The following MYRIP variants were observed in gnomAD, a reference collection of about 807,000 sequenced individuals.
MYRIP encodes myosin VIIA and Rab interacting protein, also known as rab effector MyRIP.
Under a neutral mutation model 98.0 loss-of-function variants are expected in MYRIP, and 49 were observed. The observed-to-expected ratio is 0.50, with a 90% confidence interval of 0.40 to 0.63. The LOEUF (loss-of-function observed/expected upper bound fraction) is 0.63, where lower values mean the gene tolerates loss of function less well. MYRIP is among the 30% of genes least tolerant of loss of function. The pLI, the probability that MYRIP is intolerant of heterozygous loss-of-function variation, is 0.00. For synonymous variants in MYRIP, 404 were observed against 409.5 expected, an observed-to-expected ratio of 0.99 and a Z score of 0.16; for missense variants, 1,004 against 1,058.2, an observed-to-expected ratio of 0.95 and a Z score of 0.71.
intron 3 of MYRIP, among the ~76,000 whole-genome samples, chr3:40,072,827 C>CT (rs1041585197): frequency 1.9e-5 from 1 of 51,488 alleles, no homozygotes; most frequent in East Asian, 5.5e-4. Flanking sequence ...ATGGTGTGTT[C>CT]TTTTTTAAAA....
intron 1 of MYRIP, among the ~76,000 whole-genome samples, chr3:39,890,039 C>T (rs145035192): frequency 6.6e-6 from 1 of 152,174 alleles, no homozygotes; most frequent in African/African-American, 2.4e-5. Flanking sequence ...CTACTCCTCC[C>T]AGATAATCTC....
At chr3:40,006,457 C>T (rs1428010925) in intron 2 of MYRIP, among the ~76,000 whole-genome samples, 1 of 152,054 alleles carries the variant, frequency 6.6e-6, no homozygotes, top group Non-Finnish European at 1.5e-5. Flanking sequence ...GGAGTGACAG[C>T]AATGATGGAT....
chr3:39,896,048 T>C (rs931893179), intron 1 of MYRIP, among the ~76,000 whole-genome samples: 2 of 152,206 alleles, frequency 1.3e-5, no homozygotes, highest in Non-Finnish European at 2.9e-5. Flanking sequence ...CAGCCAGCTC[T>C]GTGAGAATTC....
At chr3:40,226,361 AC>A (rs1702389985) in intron 11 of MYRIP, among the ~76,000 whole-genome samples, 1 of 152,130 alleles carries the variant, frequency 6.6e-6, no homozygotes, top group African/African-American at 2.4e-5. Flanking sequence ...CCTCTTCTTC[AC>A]TGCAGCCACC....
rs1420308229 is a variant in MYRIP at position 40,190,438 on chromosome 3, A to G, written c.1640A>G (p.Gln547Arg). Residue 547 changes from glutamine (Q) to arginine (R), a missense_variant, in exon 10 of 17, where the codon CAG (glutamine) becomes CGG (arginine). Physicochemically the swap from Gln to Arg is conservative, Grantham distance 43. Transcript: ENST00000302541. ...PSKEPSSPSAQLRDLDTHQVS... is the reference protein window; with the variant it reads ...PSKEPSSPSARLRDLDTHQVS... The stretch of plus-strand genomic sequence containing the variant: ...AAAGAACCATCTTCCCCCAGCGCCC[A>G]GCTCCGGGATCTAGACACACATCAG... 1.9e-6 allele frequency: 3 copies of G among 1,600,946 alleles called. No individual in the cohort carries two copies. Among genetic ancestry groups the G allele is most frequent in the African/African-American group, 1.3e-5 (1 of 74,364 alleles).
chr3:39,816,757 T>C (rs1398822232), intron 1 of MYRIP, among the ~76,000 whole-genome samples: 1 of 152,134 alleles, frequency 6.6e-6, no homozygotes, highest in African/African-American at 2.4e-5. Context: ...TATAGAAATA[T>C]AGGCAAACAG....
intron 2 of MYRIP, among the ~76,000 whole-genome samples, chr3:39,965,320 A>G (rs1048567142): frequency 1.3e-5 from 2 of 152,176 alleles, no homozygotes; most frequent in African/African-American, 4.8e-5. Flanking sequence ...AATTGCATTA[A>G]AAGAAAAAAT....
intron 2 of MYRIP, among the ~76,000 whole-genome samples, chr3:40,042,264 A>G: frequency 6.7e-6 from 1 of 149,740 alleles, no homozygotes; most frequent in Middle Eastern, 3.4e-3. Context: ...TGTAAAAGCA[A>G]GCATATAATA....
At chr3:40,036,132 G>A (rs1373090546) in intron 2 of MYRIP, among the ~76,000 whole-genome samples, 1 of 151,534 alleles carries the variant, frequency 6.6e-6, no homozygotes, top group Non-Finnish European at 1.5e-5. Context: ...AAATGACGAA[G>A]AGATCCAAGC....
intron 2 of MYRIP, among the ~76,000 whole-genome samples, chr3:39,989,094 C>A (rs1259945236): frequency 6.6e-6 from 1 of 152,070 alleles, no homozygotes; most frequent in African/African-American, 2.4e-5. Flanking sequence ...AGAAGAGGCA[C>A]TCTGGCCTTT....
intron 3 of MYRIP, among the ~76,000 whole-genome samples, chr3:40,103,149 C>T (rs575606632): frequency 2.6e-5 from 4 of 152,228 alleles, no homozygotes; most frequent in African/African-American, 9.6e-5. Context: ...CAGCACCTGG[C>T]TCCAGCTTGC....
At chr3:39,967,144 G>A (rs1341526878) in intron 2 of MYRIP, among the ~76,000 whole-genome samples, 1 of 152,158 alleles carries the variant, frequency 6.6e-6, no homozygotes, top group African/African-American at 2.4e-5. Flanking sequence ...TGGCGTATAT[G>A]TGAAAGTTTG....
intron 11 of MYRIP, among the ~76,000 whole-genome samples, chr3:40,222,360 T>G (rs1228477172): frequency 2.0e-5 from 3 of 152,174 alleles, no homozygotes; most frequent in African/African-American, 7.2e-5. Context: ...TAAACTGACA[T>G]AGCACACTGG....
chr3:39,835,676 G>C (rs1445281514), intron 1 of MYRIP, among the ~76,000 whole-genome samples: 2 of 152,088 alleles, frequency 1.3e-5, no homozygotes, highest in Non-Finnish European at 2.9e-5. Flanking sequence ...CATGTGCCAT[G>C]GTGGTTTGCT....
chr3:39,983,459 T>C (rs1199060231), intron 2 of MYRIP, among the ~76,000 whole-genome samples: 1 of 152,234 alleles, frequency 6.6e-6, no homozygotes, highest in Non-Finnish European at 1.5e-5. Flanking sequence ...AGGTTTTGAT[T>C]TTTATGCTCG....
At chr3:39,918,135 C>G (rs953109792) in intron 2 of MYRIP, among the ~76,000 whole-genome samples, 1 of 152,114 alleles carries the variant, frequency 6.6e-6, no homozygotes, top group African/African-American at 2.4e-5. Flanking sequence ...ACCGTGGTCT[C>G]GATCTCCTGA....
chr3:40,100,620 T>G (rs1948926919), intron 3 of MYRIP, among the ~76,000 whole-genome samples: 6 of 152,248 alleles, frequency 3.9e-5, no homozygotes, highest in Admixed American at 3.9e-4. Flanking sequence ...CTGCCTTTGC[T>G]GCAGATGTGC....
chr3:39,887,121 A>G (rs1943328038), intron 1 of MYRIP, among the ~76,000 whole-genome samples: 2 of 152,052 alleles, frequency 1.3e-5, no homozygotes, highest in Non-Finnish European at 2.9e-5. Flanking sequence ...GGCAGAAATA[A>G]AGATGTTCTT....
At chr3:40,060,896 A>G (rs1947999235) in intron 3 of MYRIP, among the ~76,000 whole-genome samples, 1 of 152,110 alleles carries the variant, frequency 6.6e-6, no homozygotes, top group Admixed American at 6.6e-5. Context: ...CCCGACCTAG[A>G]TATTTTTATA....
Sources: gnomAD v4.1 joint callset for allele counts (sites outside exome capture counted in the v4.1 genomes callset) on GRCh38, gnomAD v4.1.1 for gene constraint, MANE v1.5 for transcripts, NCBI Gene and HGNC (gene_info 2026-07-23, HGNC 2026-07-21) for gene names.